The following SGCZ variants were observed in gnomAD, a reference collection of about 807,000 sequenced individuals.
SGCZ encodes the protein zeta-sarcoglycan.
In SGCZ, 40 loss-of-function variants were observed where a neutral mutation model predicts 41.3. The ratio of observed to expected loss-of-function variants is 0.97; its 90% CI spans 0.75 to 1.26. The LOEUF is 1.26. SGCZ is among the 50% of genes most tolerant of loss of function. SGCZ has a pLI of 0.00. For synonymous variants in SGCZ, 206 were observed against 137.5 expected (o/e 1.50, Z -3.49); for missense variants, 552 against 369.8 (o/e 1.49, Z -4.04).
At chr8:14,536,538 G>GA (rs911518740) in intron 2 of SGCZ, among the ~76,000 whole-genome samples, 64 of 150,042 alleles carry the variant, frequency 4.3e-4, no homozygotes, top group South Asian at 1.3e-3. Context: ...AAATTTTAAT[G>GA]AAAAAAAAAC....
chr8:15,098,120 C>A (rs1333229936), intron 1 of SGCZ, among the ~76,000 whole-genome samples: 3 of 150,794 alleles, frequency 2.0e-5, no homozygotes, highest in African/African-American at 4.9e-5. Context: ...GAAGTAACAG[C>A]CCCACATTAA....
intron 2 of SGCZ, among the ~76,000 whole-genome samples, chr8:14,349,813 A>G (rs1303568125): frequency 6.6e-6 from 1 of 152,146 alleles, no homozygotes; most frequent in African/African-American, 2.4e-5. Flanking sequence ...CTGGAATAAC[A>G]GTCCAAGTAG....
chr8:14,635,172 G>T (rs1450118429), intron 1 of SGCZ, among the ~76,000 whole-genome samples: 1 of 151,740 alleles, frequency 6.6e-6, no homozygotes, highest in Admixed American at 6.6e-5. Context: ...TAAATTTTAT[G>T]AAAGAAAATA....
chr8:14,218,567 C>T (rs1005058865), intron 4 of SGCZ, among the ~76,000 whole-genome samples: 8 of 152,190 alleles, frequency 5.3e-5, no homozygotes, highest in African/African-American at 7.2e-5. Context: ...TTTTGTGTGA[C>T]AGTGGAATGC....
At chr8:14,667,110 G>T (rs1194360430) in intron 1 of SGCZ, among the ~76,000 whole-genome samples, 1 of 151,920 alleles carries the variant, frequency 6.6e-6, no homozygotes, top group Non-Finnish European at 1.5e-5. Context: ...GCTTGAAGCA[G>T]GTATGATATA....
At chr8:14,413,105 C>T (rs1799404874) in intron 2 of SGCZ, among the ~76,000 whole-genome samples, 1 of 151,890 alleles carries the variant, frequency 6.6e-6, no homozygotes, top group Non-Finnish European at 1.5e-5. Context: ...ACCAAGTTCG[C>T]ATCATTAAGT....
chr8:14,514,059 T>C (rs61173906), intron 2 of SGCZ, among the ~76,000 whole-genome samples: 1 of 152,006 alleles, frequency 6.6e-6, no homozygotes, highest in Non-Finnish European at 1.5e-5. Flanking sequence ...ACTGTAGGAG[T>C]TGCATTGGTG....
chr8:14,991,317 A>T (rs1220946791), intron 1 of SGCZ, among the ~76,000 whole-genome samples: 1 of 152,176 alleles, frequency 6.6e-6, no homozygotes, highest in Non-Finnish European at 1.5e-5. Flanking sequence ...AAGCAGCATC[A>T]GCACCACCAA....
At chr8:14,472,262 A>C (rs1801233524) in intron 2 of SGCZ, among the ~76,000 whole-genome samples, 1 of 152,080 alleles carries the variant, frequency 6.6e-6, no homozygotes, top group Non-Finnish European at 1.5e-5. Context: ...TAATATCTTT[A>C]TTTAAAGGTA....
intron 4 of SGCZ, among the ~76,000 whole-genome samples, chr8:14,194,332 C>G (rs906988084): frequency 4.6e-5 from 7 of 151,770 alleles, no homozygotes; most frequent in Non-Finnish European, 1.0e-4. Flanking sequence ...GAAAACGAGA[C>G]CAGAGTAAGT....
intron 1 of SGCZ, among the ~76,000 whole-genome samples, chr8:14,958,075 T>G (rs560806547): frequency 1.3e-5 from 2 of 152,096 alleles, no homozygotes; most frequent in Non-Finnish European, 2.9e-5. Context: ...ATTTTACTCA[T>G]GAAAGAATAA....
At chr8:15,035,405 A>C (rs2130966222) in intron 1 of SGCZ, among the ~76,000 whole-genome samples, 1 of 152,264 alleles carries the variant, frequency 6.6e-6, no homozygotes. Flanking sequence ...CCATCCAATC[A>C]CAAAGGAAAA....
intron 1 of SGCZ, among the ~76,000 whole-genome samples, chr8:14,858,841 C>T (rs1035623310): frequency 3.3e-5 from 5 of 152,042 alleles, no homozygotes; most frequent in Non-Finnish European, 7.4e-5. Context: ...TAACAAAAAA[C>T]GAGTTTTATA....
At chr8:15,180,343 G>A (rs980200377) in intron 1 of SGCZ, among the ~76,000 whole-genome samples, 1 of 152,104 alleles carries the variant, frequency 6.6e-6, no homozygotes, top group Non-Finnish European at 1.5e-5. Flanking sequence ...AGCTACTGAA[G>A]ACACTTTAAC....
At chr8:14,194,928 C>T (rs1308699542) in intron 4 of SGCZ, among the ~76,000 whole-genome samples, 1 of 151,910 alleles carries the variant, frequency 6.6e-6, no homozygotes, top group Admixed American at 6.6e-5. Flanking sequence ...TATGATCTGC[C>T]AAAGAAACCT....
At chr8:14,512,683 T>C (rs1340978308) in intron 2 of SGCZ, among the ~76,000 whole-genome samples, 1 of 151,622 alleles carries the variant, frequency 6.6e-6, no homozygotes, top group Non-Finnish European at 1.5e-5. Context: ...CCAGGCTGGT[T>C]TGAACCCCTG....
intron 2 of SGCZ, among the ~76,000 whole-genome samples, chr8:14,355,867 AG>A: frequency 6.6e-6 from 1 of 152,280 alleles, no homozygotes; most frequent in African/African-American, 2.4e-5. Flanking sequence ...TTGACATCTA[AG>A]AAGGTCTGTG....
chr8:14,851,476 T>G (rs1299842636), intron 1 of SGCZ, among the ~76,000 whole-genome samples: 1 of 152,000 alleles, frequency 6.6e-6, no homozygotes, highest in Non-Finnish European at 1.5e-5. Context: ...GATATTTAAC[T>G]TTGGCTTCCT....
At chr8:14,799,664 G>A (rs1332733722) in intron 1 of SGCZ, among the ~76,000 whole-genome samples, 1 of 151,294 alleles carries the variant, frequency 6.6e-6, no homozygotes, top group East Asian at 1.9e-4. Context: ...AGGAAGGAGG[G>A]AGCGGCAAGG....
Sources: allele counts gnomAD v4.1 joint callset (sites outside exome capture counted in the v4.1 genomes callset), GRCh38; gene constraint gnomAD v4.1.1; transcripts MANE v1.5; gene names NCBI Gene and HGNC (gene_info 2026-07-23, HGNC 2026-07-21).